The following CORIN variants were observed in gnomAD, a reference collection of about 807,000 sequenced individuals.
The protein encoded by CORIN is atrial natriuretic peptide-converting enzyme.
CORIN carries 117 observed loss-of-function variants against 125.3 expected under a neutral mutation model. The observed-to-expected ratio is 0.93, with a 90% confidence interval of 0.80 to 1.09. The LOEUF is 1.09. Ranked by LOEUF, CORIN falls within the 50% of genes least tolerant of loss-of-function variation. The pLI, the probability that CORIN is intolerant of heterozygous loss-of-function variation, is 0.00. For synonymous variants in CORIN, 450 were observed against 466.4 expected, an observed-to-expected ratio of 0.96 and a Z score of 0.45; for missense variants, 1,253 against 1,306.7, an observed-to-expected ratio of 0.96 and a Z score of 0.63.
intron 16 of CORIN, among the ~76,000 whole-genome samples, chr4:47,639,320 G>A (rs1000594179): frequency 2.6e-5 from 4 of 152,156 alleles, no homozygotes; most frequent in Admixed American, 1.3e-4. Context: ...ACCATTCTCT[G>A]ATGGCAAAAT....
In CORIN at chr4:47,749,693, T is replaced by C. The variant is rs190933632; in HGVS notation, c.618-5110A>G. Among the ~76,000 whole-genome samples the C allele has an allele frequency of 2.6e-5, 4 of 152,342 alleles. No individual in the cohort carries two copies. The East Asian group carries it at 7.7e-4, about 29-fold the overall frequency. ...GCAATATATAACTAATACACTTTTC[T>C]TGACACATCACATTGTCAGAGGCAT... On this transcript the variant is annotated intron_variant, in intron 4 of 21. Transcript: ENST00000273857.
At chr4:47,805,972 T>C (rs1331642707) in intron 2 of CORIN, among the ~76,000 whole-genome samples, 1 of 152,214 alleles carries the variant, frequency 6.6e-6, no homozygotes, top group Non-Finnish European at 1.5e-5. Flanking sequence ...TAATAGTTTA[T>C]TGCTTTTTCC....
At chr4:47,615,467 T>A (rs1307751780) in intron 19 of CORIN, among the ~76,000 whole-genome samples, 2 of 152,230 alleles carry the variant, frequency 1.3e-5, no homozygotes, top group Non-Finnish European at 2.9e-5. Context: ...TTGTAACTCC[T>A]AGTATATTAT....
At chr4:47,625,440 T>C (rs879559112) in intron 17 of CORIN, among the ~76,000 whole-genome samples, 9 of 152,016 alleles carry the variant, frequency 5.9e-5, no homozygotes, top group Non-Finnish European at 1.0e-4. Context: ...TATTTATTTA[T>C]TTACTTGACC....
intron 1 of CORIN, among the ~76,000 whole-genome samples, chr4:47,829,948 C>T (rs1194182098): frequency 6.6e-6 from 1 of 152,188 alleles, no homozygotes; most frequent in Non-Finnish European, 1.5e-5. Context: ...AAAATCTCAG[C>T]AACCTAATAC....
chr4:47,638,902 A>C (rs1209248106), intron 16 of CORIN, among the ~76,000 whole-genome samples: 4 of 152,216 alleles, frequency 2.6e-5, no homozygotes, highest in Admixed American at 1.3e-4. Context: ...AAATCTTCTC[A>C]TCTAGACAAG....
chr4:47,686,517 C>T (rs1345145995), intron 6 of CORIN, among the ~76,000 whole-genome samples: 1 of 152,196 alleles, frequency 6.6e-6, no homozygotes, highest in African/African-American at 2.4e-5. Flanking sequence ...AATGAGGCTA[C>T]AACACATGTG....
intron 2 of CORIN, among the ~76,000 whole-genome samples, chr4:47,806,120 ATGTAATAT>A (rs1731781058): frequency 6.6e-6 from 1 of 152,120 alleles, no homozygotes; most frequent in Non-Finnish European, 1.5e-5. Flanking sequence ...AAAATGTGGT[ATGTAATAT>A]TTAGTTTGAG....
At chr4:47,611,558 C>T (rs557159248) in intron 19 of CORIN, among the ~76,000 whole-genome samples, 1 of 152,220 alleles carries the variant, frequency 6.6e-6, no homozygotes, top group African/African-American at 2.4e-5. Context: ...ATTTGATTTC[C>T]TCTCTTCCTA....
intron 6 of CORIN, among the ~76,000 whole-genome samples, chr4:47,689,589 C>T (rs778964900): frequency 3.9e-5 from 6 of 152,118 alleles, no homozygotes; most frequent in Non-Finnish European, 8.8e-5. Flanking sequence ...AACTTTGTGG[C>T]AGCTATTTCA....
At chr4:47,721,620 C>T (rs1224561314) in intron 5 of CORIN, among the ~76,000 whole-genome samples, 5 of 152,168 alleles carry the variant, frequency 3.3e-5, no homozygotes, top group Non-Finnish European at 1.5e-5. Context: ...CTTCTAATAC[C>T]ATCCTCTTGG....
rs944925202 is a variant in CORIN at position 47,645,067 on chromosome 4, G to A, written c.1957+14C>T. 1.6e-5 allele frequency: 24 copies of A among 1,470,908 alleles called. No homozygotes were observed. Among genetic ancestry groups the A allele is most frequent in the African/African-American group, 7.0e-5 (5 of 71,528 alleles). 91.1% of individuals were successfully genotyped at this position (1,470,908 alleles called of 1,614,324 possible). The stretch of plus-strand genomic sequence containing the variant: ...ATAAAAATGCTCTGTTGACAAATTC[G>A]CATAAGCACTTACAGCAGTTTTTCT... On this transcript the variant is annotated intron_variant, in intron 14 of 21. Transcript: ENST00000273857.
At chr4:47,751,061 T>C (rs1041061098) in intron 4 of CORIN, among the ~76,000 whole-genome samples, 1 of 152,216 alleles carries the variant, frequency 6.6e-6, no homozygotes, top group Non-Finnish European at 1.5e-5. Flanking sequence ...TGTTGTTGGT[T>C]TGTTTTTTCT....
chr4:47,837,586 T>C, intron 1 of CORIN: 2 of 524,098 alleles, frequency 3.8e-6, no homozygotes, highest in South Asian at 2.2e-5. Context: ...ACCCCCGGCA[T>C]GGAGACCGGG....
intron 2 of CORIN, among the ~76,000 whole-genome samples, chr4:47,803,051 A>C (rs920805639): frequency 1.3e-5 from 2 of 152,248 alleles, no homozygotes; most frequent in Non-Finnish European, 2.9e-5. Context: ...CAAGAATTGC[A>C]GCATTATAGG....
chr4:47,664,231 A>G (rs1311282630), intron 11 of CORIN, among the ~76,000 whole-genome samples: 1 of 152,236 alleles, frequency 6.6e-6, no homozygotes, highest in Non-Finnish European at 1.5e-5. Context: ...CACATGGCGC[A>G]GCAAAGGGAC....
intron 19 of CORIN, among the ~76,000 whole-genome samples, chr4:47,612,621 T>A (rs184723636): frequency 1.1e-4 from 17 of 152,292 alleles, no homozygotes; most frequent in African/African-American, 4.1e-4. Flanking sequence ...GAGCAACTCA[T>A]CTAAAGTCAC....
At chr4:47,634,587 T>C (rs2109588501) in intron 16 of CORIN, among the ~76,000 whole-genome samples, 1 of 152,292 alleles carries the variant, frequency 6.6e-6, no homozygotes, top group South Asian at 2.1e-4. Context: ...TGAGCCAAGA[T>C]CACACCATTG....
chr4:47,766,017 G>A (rs949707974), intron 3 of CORIN, among the ~76,000 whole-genome samples: 1 of 152,104 alleles, frequency 6.6e-6, no homozygotes, highest in Non-Finnish European at 1.5e-5. Context: ...CTTTAATCCA[G>A]CCGTTGAAAT....
Sources: allele counts gnomAD v4.1 joint callset (sites outside exome capture counted in the v4.1 genomes callset), GRCh38; gene constraint gnomAD v4.1.1; transcripts MANE v1.5; gene names NCBI Gene and HGNC (gene_info 2026-07-23, HGNC 2026-07-21).